HS3ST3A1: variants seen among roughly 807,000 people sequenced by gnomAD.
The protein encoded by HS3ST3A1 is heparan sulfate-glucosamine 3-sulfotransferase 3A1, also known as heparan sulfate glucosamine 3-O-sulfotransferase 3A1.
In HS3ST3A1, 19 loss-of-function variants were observed where a neutral mutation model predicts 25.7. The observed-to-expected ratio is 0.74, with a 90% CI of 0.52 to 1.08. The LOEUF (loss-of-function observed/expected upper bound fraction) is 1.08. HS3ST3A1 is among the 50% of genes least tolerant of loss of function. The pLI is 0.00. For synonymous variants in HS3ST3A1, 226 were observed against 278.6 expected (o/e 0.81, Z 1.88); for missense variants, 459 against 594.3 (o/e 0.77, Z 2.37).
intron 1 of HS3ST3A1, among the ~76,000 whole-genome samples, chr17:13,595,848 TTGTTG>T (rs1340090001): frequency 2.3e-4 from 4 of 17,332 alleles, no homozygotes; most frequent in African/African-American, 4.4e-4. Context: ...GCCTTTTTGG[TTGTTG>T]TTGTTGTTGT....
chr17:13,540,227 G>A (rs1906891036), intron 1 of HS3ST3A1, among the ~76,000 whole-genome samples: 1 of 152,184 alleles, frequency 6.6e-6, no homozygotes, highest in Admixed American at 6.5e-5. Context: ...TAATGTTCTA[G>A]TGTTATCTGT....
chr17:13,536,207 C>T (rs1008868271), intron 1 of HS3ST3A1, among the ~76,000 whole-genome samples: 3 of 152,000 alleles, frequency 2.0e-5, no homozygotes, highest in African/African-American at 4.8e-5. Flanking sequence ...TTCAAGGTCT[C>T]TTTTCAAAGA....
chr17:13,544,232 A>T (rs1248191113), intron 1 of HS3ST3A1, among the ~76,000 whole-genome samples: 1 of 152,244 alleles, frequency 6.6e-6, no homozygotes, highest in Non-Finnish European at 1.5e-5. Flanking sequence ...AGGTAATCAT[A>T]TAAAACCATT....
At chr17:13,551,974 T>C (rs765779178) in intron 1 of HS3ST3A1, among the ~76,000 whole-genome samples, 1 of 152,230 alleles carries the variant, frequency 6.6e-6, no homozygotes, top group African/African-American at 2.4e-5. Flanking sequence ...CCTCTTTCTA[T>C]TCCCACCTGC....
rs367629693 is a variant in HS3ST3A1, at chr17:13,522,853, G to C, written c.600-26035C>G. 8.5e-4 allele frequency among the ~76,000 whole-genome samples: 126 copies of C among 148,456 alleles called. 1 individual carries two copies. Among genetic ancestry groups the C allele is most frequent in the Middle Eastern group, 7.0e-3 (2 of 284 alleles). ...CACACACACCACACACACACAGAGA[G>C]ACACACACACACACACACACACACA... On this transcript the variant is annotated intron_variant, in intron 1 of 1. Transcript: ENST00000284110.
intron 1 of HS3ST3A1, among the ~76,000 whole-genome samples, chr17:13,518,650 C>A (rs887024592): frequency 1.3e-5 from 2 of 152,210 alleles, no homozygotes; most frequent in Non-Finnish European, 2.9e-5. Context: ...ACTTGTGCTA[C>A]AAGAAGAGAC....
chr17:13,553,407 A>G (rs1300812953), intron 1 of HS3ST3A1, among the ~76,000 whole-genome samples: 1 of 152,174 alleles, frequency 6.6e-6, no homozygotes, highest in African/African-American at 2.4e-5. Flanking sequence ...AGAAGCCATC[A>G]TTGCACTGGC....
At chr17:13,525,596 G>A (rs1008238003) in intron 1 of HS3ST3A1, among the ~76,000 whole-genome samples, 8 of 152,136 alleles carry the variant, frequency 5.3e-5, no homozygotes, top group South Asian at 2.1e-4. Flanking sequence ...AAACAAATTA[G>A]AGATTTTCTC....
chr17:13,516,519 CTG>C lies in HS3ST3A1; in HGVS notation c.600-19703_600-19702del, dbSNP rs367809482. 3.4e-4 allele frequency among the ~76,000 whole-genome samples: 52 copies of C among 152,230 alleles called. No homozygotes were observed. In the South Asian group the frequency reaches 9.9e-3, roughly 29 times the overall value. ...ATTTTATGGATTATGCTTTTAGCAC[CTG>C]TGTATGAACTCTTTGCCTAGACCCA... On this transcript the variant is annotated intron_variant, in intron 1 of 1. Coordinates refer to ENST00000284110, the MANE Select transcript of HS3ST3A1 (RefSeq NM_006042.3).
Position 13,585,186 on chromosome 17 carries a change from C to CTTTTTTTTTTTTTT in HS3ST3A1, c.599+15331_599+15344dup, listed in dbSNP as rs71144977. On this transcript the variant is annotated intron_variant, in intron 1 of 1. Coordinates refer to ENST00000284110, the MANE Select transcript of HS3ST3A1 (RefSeq NM_006042.3). ...CAATCTAAATACTCATTTTTCTGTG[C>CTTTTTTTTTTTTTT]TTTTTTTTTTTTTTTTTTTTTTTTT... Among the ~76,000 whole-genome samples the CTTTTTTTTTTTTTT allele has an allele frequency of 1.1e-3, 36 of 33,248 alleles. 12 individuals are homozygous for CTTTTTTTTTTTTTT. The highest frequency in any genetic ancestry group is 2.0e-3 in the African/African-American group (17 of 8,480). 21.8% of individuals were successfully genotyped at this position (33,248 alleles called of 152,430 possible).
At chr17:13,496,896 A>C in intron 1 of HS3ST3A1, 78 bp from the exon 2 acceptor site, 1 of 1,534,796 alleles carries the variant, frequency 6.5e-7, no homozygotes, top group Non-Finnish European at 8.8e-7. Flanking sequence ...TACACGCTGG[A>C]GCCAGGCCGC....
chr17:13,601,814 T>G lies in HS3ST3A1; in HGVS notation c.-685A>C, dbSNP rs1908755476. 6.5e-6 allele frequency: 1 copy of G among 153,524 alleles called. No homozygotes were observed. The highest frequency in any genetic ancestry group is 1.4e-5 in the Non-Finnish European group (1 of 69,244). The allele number at this position is 153,524 out of a possible 1,614,324, so 9.5% of individuals were successfully genotyped here. On this transcript the variant is annotated 5_prime_UTR_variant, in exon 1 of 2. Transcript: ENST00000284110. ...GCGCCGGGTTGCTCCAAACTGCTCTTGGACCCCACCTGTGAGCCGCGTGGC... is the reference window on the plus strand; with the variant it reads ...GCGCCGGGTTGCTCCAAACTGCTCTGGGACCCCACCTGTGAGCCGCGTGGC...
intron 1 of HS3ST3A1, among the ~76,000 whole-genome samples, chr17:13,539,711 A>G (rs1045999093): frequency 2.1e-5 from 3 of 141,938 alleles, no homozygotes; most frequent in East Asian, 2.0e-4. Context: ...GCCTTCCTCA[A>G]TTCGAAAGAG....
intron 1 of HS3ST3A1, among the ~76,000 whole-genome samples, chr17:13,498,445 G>A (rs1905352200): frequency 6.6e-6 from 1 of 152,140 alleles, no homozygotes; most frequent in Admixed American, 6.5e-5. Context: ...AGGTCATACA[G>A]ATCGGAACTC....
chr17:13,582,234 G>T (rs1908135200), intron 1 of HS3ST3A1, among the ~76,000 whole-genome samples: 1 of 152,084 alleles, frequency 6.6e-6, no homozygotes, highest in East Asian at 1.9e-4. Flanking sequence ...GGAAGAAAAA[G>T]AACTTTCTGT....
At chr17:13,532,372 G>C (rs1387169786) in intron 1 of HS3ST3A1, among the ~76,000 whole-genome samples, 1 of 152,158 alleles carries the variant, frequency 6.6e-6, no homozygotes, top group Non-Finnish European at 1.5e-5. Flanking sequence ...GGCTGACCAG[G>C]AGAATGCTGA....
intron 1 of HS3ST3A1, among the ~76,000 whole-genome samples, chr17:13,534,887 G>T (rs1458044267): frequency 1.3e-5 from 2 of 152,168 alleles, no homozygotes; most frequent in South Asian, 2.1e-4. Context: ...TTAGCCAGGT[G>T]TGGTGGCGCA....
intron 1 of HS3ST3A1, among the ~76,000 whole-genome samples, chr17:13,560,207 T>G (rs1001063574): frequency 1.4e-5 from 2 of 140,996 alleles, no homozygotes; most frequent in Non-Finnish European, 3.0e-5. Context: ...GGAGAATCGC[T>G]TGAACCCGAG....
intron 1 of HS3ST3A1, among the ~76,000 whole-genome samples, chr17:13,539,853 T>C (rs1489810346): frequency 6.6e-6 from 1 of 152,242 alleles, no homozygotes; most frequent in Non-Finnish European, 1.5e-5. Context: ...TGATTTTGTA[T>C]GATCTTTAAC....
Sources: allele counts gnomAD v4.1 joint callset (sites outside exome capture counted in the v4.1 genomes callset), GRCh38; gene constraint gnomAD v4.1.1; transcripts MANE v1.5; gene names NCBI Gene and HGNC (gene_info 2026-07-23, HGNC 2026-07-21).